CNTNAP5: variants seen among roughly 807,000 people sequenced by gnomAD.
CNTNAP5 encodes the protein contactin-associated protein-like 5.
In CNTNAP5, 72 loss-of-function variants were observed where a neutral mutation model predicts 150.2. The observed-to-expected ratio is 0.48, with a 90% CI of 0.40 to 0.58. The LOEUF (loss-of-function observed/expected upper bound fraction) is 0.58, where lower values mean the gene tolerates loss of function less well. Ranked by LOEUF, CNTNAP5 falls within the 20% of genes least tolerant of loss-of-function variation. The pLI is 0.00. For missense variants in CNTNAP5, 1,636 were observed against 1,626.2 expected, an observed-to-expected ratio of 1.01 and a Z score of -0.10; for synonymous variants, 672 against 619.8, an observed-to-expected ratio of 1.08 and a Z score of -1.25.
intron 3 of CNTNAP5, among the ~76,000 whole-genome samples, chr2:124,295,053 C>T (rs898868263): frequency 1.3e-5 from 2 of 151,988 alleles, no homozygotes; most frequent in Non-Finnish European, 2.9e-5. Flanking sequence ...TTGTAGTGAG[C>T]GGAGATCCTG....
intron 19 of CNTNAP5, among the ~76,000 whole-genome samples, chr2:124,833,552 G>T (rs908870563): frequency 6.6e-6 from 1 of 152,272 alleles, no homozygotes; most frequent in Non-Finnish European, 1.5e-5. Flanking sequence ...GAAGACTAAA[G>T]ATTATGGAAT....
intron 6 of CNTNAP5, among the ~76,000 whole-genome samples, chr2:124,453,565 C>A (rs1342360715): frequency 1.3e-5 from 2 of 152,084 alleles, no homozygotes; most frequent in Non-Finnish European, 2.9e-5. Context: ...AAGATCATTG[C>A]CTAGACACAT....
chr2:124,120,998 A>G (rs1272158078), intron 1 of CNTNAP5, among the ~76,000 whole-genome samples: 1 of 152,140 alleles, frequency 6.6e-6, no homozygotes, highest in African/African-American at 2.4e-5. Context: ...TGTTAACAAT[A>G]GTGCCATAAT....
chr2:124,045,163 A>G (rs1278176897), intron 1 of CNTNAP5, among the ~76,000 whole-genome samples: 1 of 152,100 alleles, frequency 6.6e-6, no homozygotes, highest in Admixed American at 6.6e-5. Context: ...TGCCTCAGGG[A>G]AAAAGCAAAC....
At chr2:124,342,358 A>C (rs947272372) in intron 3 of CNTNAP5, among the ~76,000 whole-genome samples, 4 of 152,124 alleles carry the variant, frequency 2.6e-5, no homozygotes, top group African/African-American at 9.7e-5. Flanking sequence ...TTCTCAGTAA[A>C]GTTCTCAAAC....
intron 3 of CNTNAP5, among the ~76,000 whole-genome samples, chr2:124,318,038 A>T (rs112171783): frequency 1.6e-3 from 240 of 152,324 alleles, no homozygotes; most frequent in Non-Finnish European, 1.8e-3. Flanking sequence ...AGTGCTTCCC[A>T]AAAGATGCAA....
At chr2:124,269,960 G>A (rs1687702519) in intron 3 of CNTNAP5, among the ~76,000 whole-genome samples, 1 of 152,106 alleles carries the variant, frequency 6.6e-6, no homozygotes, top group Non-Finnish European at 1.5e-5. Flanking sequence ...GGACAAACTA[G>A]TGCTAGAGTA....
chr2:124,823,641 G>T (rs911981135), intron 19 of CNTNAP5, among the ~76,000 whole-genome samples: 1 of 152,076 alleles, frequency 6.6e-6, no homozygotes, highest in East Asian at 1.9e-4. Context: ...AGTTGTACAG[G>T]CAGACCTATG....
chr2:124,549,108 T>C (rs1695577603), intron 10 of CNTNAP5, among the ~76,000 whole-genome samples: 1 of 152,224 alleles, frequency 6.6e-6, no homozygotes, highest in African/African-American at 2.4e-5. Context: ...TTTCATTGCA[T>C]GACCTTTAAA....
At chr2:124,770,975 G>A (rs1189094357) in intron 16 of CNTNAP5, among the ~76,000 whole-genome samples, 2 of 152,166 alleles carry the variant, frequency 1.3e-5, no homozygotes, top group African/African-American at 2.4e-5. Flanking sequence ...CAGAGTCTAA[G>A]CTCTTAAATC....
chr2:124,482,341 T>C (rs534950764), intron 7 of CNTNAP5, among the ~76,000 whole-genome samples: 1 of 152,276 alleles, frequency 6.6e-6, no homozygotes, highest in South Asian at 2.1e-4. Flanking sequence ...CCACGTTTTA[T>C]ACCAAAAAAT....
intron 16 of CNTNAP5, 132 bp downstream of exon 16, chr2:124,764,279 GATA>G: frequency 1.5e-6 from 1 of 681,284 alleles, no homozygotes; most frequent in South Asian, 1.8e-5. Flanking sequence ...AATTAGCAGT[GATA>G]ATGTCTAGTT....
At chr2:124,866,302 C>T (rs1461492678) in intron 20 of CNTNAP5, among the ~76,000 whole-genome samples, 1 of 152,086 alleles carries the variant, frequency 6.6e-6, no homozygotes, top group Non-Finnish European at 1.5e-5. Flanking sequence ...TTCTTGGGTT[C>T]CACAGCAGAT....
In CNTNAP5 at chr2:124,353,286, CAAAAAAA is replaced by C. The variant is rs565907115; in HGVS notation, c.382-64140_382-64134del. ...TCTCACTAAAACAACAAAAACAGAC[CAAAAAAA>C]AAAAAAAAAAAAAAAAGATGAAGGC... On this transcript the variant is annotated intron_variant, in intron 3 of 23. Transcript: ENST00000682447. Among the ~76,000 whole-genome samples the C allele has an allele frequency of 2.5e-3, 223 of 88,286 alleles. 1 individual carries two copies. The highest frequency in any genetic ancestry group is 9.3e-3 in the African/African-American group (219 of 23,442). The allele number at this position is 88,286 out of a possible 152,430, so 57.9% of individuals were successfully genotyped here.
chr2:124,444,020 T>C (rs58586493), intron 5 of CNTNAP5, among the ~76,000 whole-genome samples: 15,624 of 152,140 alleles, frequency 0.1, 1,274 homozygotes, highest in African/African-American at 0.2. Context: ...AAATGACAGT[T>C]TATAAAGCAT....
chr2:124,911,437 G>A, intron 22 of CNTNAP5, 30 bp from the exon 23 acceptor site: 2 of 1,539,530 alleles, frequency 1.3e-6, no homozygotes, highest in Non-Finnish European at 8.9e-7. Context: ...TGAGTGAGAA[G>A]TAAAGTCCCA....
chr2:124,766,493 C>T (rs1681072017), intron 16 of CNTNAP5, among the ~76,000 whole-genome samples: 1 of 151,854 alleles, frequency 6.6e-6, no homozygotes. Flanking sequence ...TTGCAGTTAC[C>T]ACACAATACA....
intron 11 of CNTNAP5, among the ~76,000 whole-genome samples, chr2:124,568,095 A>G (rs750603109): frequency 5.9e-5 from 9 of 152,176 alleles, no homozygotes; most frequent in Non-Finnish European, 1.3e-4. Context: ...CTTCCTTCAA[A>G]CAAGCAAGGC....
intron 7 of CNTNAP5, among the ~76,000 whole-genome samples, chr2:124,476,135 A>T (rs1693633874): frequency 6.6e-6 from 1 of 152,092 alleles, no homozygotes; most frequent in African/African-American, 2.4e-5. Flanking sequence ...GTAGAAACCT[A>T]ATTTCCATTG....
Sources: gnomAD v4.1 joint callset for allele counts (sites outside exome capture counted in the v4.1 genomes callset) on GRCh38, gnomAD v4.1.1 for gene constraint, MANE v1.5 for transcripts, NCBI Gene and HGNC (gene_info 2026-07-23, HGNC 2026-07-21) for gene names.